The following SLC28A3 variants were observed in gnomAD, a reference collection of about 807,000 sequenced individuals.
SLC28A3 encodes the protein concentrative Na(+)-nucleoside cotransporter 3.
Under a neutral mutation model 84.2 loss-of-function variants are expected in SLC28A3, and 68 were observed. The ratio of observed to expected loss-of-function variants is 0.81; its 90% confidence interval spans 0.66 to 0.99. The LOEUF (loss-of-function observed/expected upper bound fraction) is 0.99, where lower values mean the gene tolerates loss of function less well. SLC28A3 is among the 50% of genes least tolerant of loss of function. The pLI, the probability that SLC28A3 is intolerant of heterozygous loss-of-function variation, is 0.00. For missense variants in SLC28A3, 712 were observed against 841.5 expected, an observed-to-expected ratio of 0.85 and a Z score of 1.90; for synonymous variants, 267 against 303.6, an observed-to-expected ratio of 0.88 and a Z score of 1.25.
chr9:84,288,007 G>C, intron 12 of SLC28A3, 41 bp downstream of exon 12: 1 of 1,611,928 alleles, frequency 6.2e-7, no homozygotes, highest in Non-Finnish European at 8.5e-7. Context: ...CCCCCGCCCC[G>C]GCTTGGGTAG....
the SLC28A3 span, among the ~76,000 whole-genome samples, chr9:84,365,416 G>C: frequency 6.6e-6 from 1 of 152,066 alleles, no homozygotes; most frequent in Non-Finnish European, 1.5e-5. Flanking sequence ...TATATATGCT[G>C]ATTATAATCC....
At chr9:84,364,329 G>A in the SLC28A3 span, among the ~76,000 whole-genome samples, 2 of 151,952 alleles carry the variant, frequency 1.3e-5, no homozygotes, top group Admixed American at 6.6e-5. Flanking sequence ...CGCCGTGTTG[G>A]CAGGTGATCC....
chr9:84,311,580 G>A (rs1405108786), intron 2 of SLC28A3, among the ~76,000 whole-genome samples: 2 of 152,078 alleles, frequency 1.3e-5, no homozygotes, highest in Admixed American at 6.6e-5. Flanking sequence ...GGCCAGGCGT[G>A]GTCACTCATG....
intron 1 of SLC28A3, among the ~76,000 whole-genome samples, chr9:84,328,012 C>G (rs539715546): frequency 6.6e-6 from 1 of 151,686 alleles, no homozygotes; most frequent in Admixed American, 6.6e-5. Context: ...TACTGTTTCT[C>G]TGGTGGCAAT....
At chr9:84,344,180 T>A (rs530046589), upstream of SLC28A3, among the ~76,000 whole-genome samples, 181 of 145,360 alleles carry the variant, frequency 1.2e-3, 1 homozygote, top group Admixed American at 3.0e-3. Context: ...ATTCTCATCA[T>A]ATGGGTTTTT....
Position 84,316,861 on chromosome 9 carries a change from C to T in SLC28A3, c.61-3407G>A, listed in dbSNP as rs55671155. Among the ~76,000 whole-genome samples, 143 of 152,068 alleles carry T rather than the reference C, an allele frequency of 9.4e-4. 2 individuals carry two copies. Among genetic ancestry groups the T allele is most frequent in the African/African-American group, 3.3e-3 (138 of 41,450 alleles). On this transcript the variant is annotated intron_variant, in intron 1 of 17. Transcript: ENST00000376238. ...ACTAAAAATACAAAAGTTAGCTGGG[C>T]GTGGTGGCGGGCACCTGTAGTCCCA...
intron 1 of SLC28A3, among the ~76,000 whole-genome samples, chr9:84,338,442 T>C (rs890750157): frequency 1.3e-5 from 2 of 152,254 alleles, no homozygotes; most frequent in African/African-American, 4.8e-5. Flanking sequence ...TTGTCTTCAC[T>C]ATTTTGATTT....
At chr9:84,338,959 T>C (rs758964206) in intron 1 of SLC28A3, among the ~76,000 whole-genome samples, 5 of 152,140 alleles carry the variant, frequency 3.3e-5, no homozygotes, top group Non-Finnish European at 7.3e-5. Context: ...ATATTTCCCT[T>C]GCACAGGTGT....
At chr9:84,285,836 G>T in intron 13 of SLC28A3, 107 bp downstream of exon 13, 1 of 1,295,402 alleles carries the variant, frequency 7.7e-7, no homozygotes, top group Non-Finnish European at 1.0e-6. Context: ...CTTCTACGGT[G>T]TGGAAGAGTC....
Position 84,294,259 on chromosome 9 carries a change from A to G in SLC28A3, c.878T>C (p.Val293Ala). ...CATGGACATCACAGTGCTGAAGAAA[A>G]CCACGATCGGCAGGACCTGTGGGGA... ...FFAFKVLPIVVFFSTVMSMLY... is the reference protein window; with the variant it reads ...FFAFKVLPIVAFFSTVMSMLY... The change falls in exon 9 of 18, where the codon GTT (valine) becomes GCT (alanine). Residue 293 changes from valine to alanine, a missense_variant. Coordinates refer to ENST00000376238, the MANE Select transcript of SLC28A3 (RefSeq NM_001199633.2). The G allele has an allele frequency of 6.2e-7, 1 of 1,614,162 alleles. No homozygotes were observed. Among genetic ancestry groups the G allele is most frequent in the African/African-American group, 1.3e-5 (1 of 75,058 alleles).
intron 1 of SLC28A3, 111 bp from the exon 2 acceptor site, chr9:84,313,565 T>G: frequency 1.3e-6 from 1 of 795,582 alleles, no homozygotes; most frequent in Non-Finnish European, 2.0e-6. Context: ...AAAGATTAGG[T>G]GTTCAGATGA....
intron 11 of SLC28A3, among the ~76,000 whole-genome samples, chr9:84,289,090 CTT>C (rs1825110838): frequency 6.6e-6 from 1 of 152,106 alleles, no homozygotes; most frequent in African/African-American, 2.4e-5. Context: ...TCTGGATTCT[CTT>C]CCACATATTT....
chr9:84,282,242 A>T (rs1437500842), intron 14 of SLC28A3, among the ~76,000 whole-genome samples: 1 of 151,870 alleles, frequency 6.6e-6, no homozygotes, highest in African/African-American at 2.4e-5. Flanking sequence ...TCGGATGGGG[A>T]TGGGAGTGGG....
At chr9:84,285,620 C>T (rs577838216) in intron 13 of SLC28A3, 78 bp from the exon 14 acceptor site, 14 of 1,427,476 alleles carry the variant, frequency 9.8e-6, no homozygotes, top group Admixed American at 6.9e-5. Context: ...CAACACTGTT[C>T]CTGACCCCTC....
the SLC28A3 span, among the ~76,000 whole-genome samples, chr9:84,362,015 C>T: frequency 7.2e-5 from 11 of 152,270 alleles, no homozygotes; most frequent in East Asian, 1.9e-4. Flanking sequence ...TCCAGTACTT[C>T]GTGTCCCTTA....
chr9:84,315,050 G>T (rs1396486234), intron 1 of SLC28A3, among the ~76,000 whole-genome samples: 1 of 152,190 alleles, frequency 6.6e-6, no homozygotes. Context: ...CTGCACTCCA[G>T]CCTGGGCGAC....
the SLC28A3 span, among the ~76,000 whole-genome samples, chr9:84,355,956 G>A: frequency 1.3e-5 from 2 of 151,724 alleles, no homozygotes; most frequent in African/African-American, 2.4e-5. Context: ...CTGGGACTAC[G>A]GGTGCACCCC....
chr9:84,307,627 A>T (rs1466514840), intron 3 of SLC28A3, among the ~76,000 whole-genome samples: 1 of 152,182 alleles, frequency 6.6e-6, no homozygotes, highest in African/African-American at 2.4e-5. Flanking sequence ...AGTGTAGTGA[A>T]GACATTTTTT....
the SLC28A3 span, among the ~76,000 whole-genome samples, chr9:84,347,556 G>A: frequency 6.6e-6 from 1 of 152,140 alleles, no homozygotes; most frequent in African/African-American, 2.4e-5. Flanking sequence ...CAAACCACAA[G>A]CAAAGTATAT....
Sources: allele counts gnomAD v4.1 joint callset (sites outside exome capture counted in the v4.1 genomes callset), GRCh38; gene constraint gnomAD v4.1.1; transcripts MANE v1.5; gene names NCBI Gene and HGNC (gene_info 2026-07-23, HGNC 2026-07-21).